Variants in SLC26A7 observed in about 807,000 individuals in gnomAD.
The protein encoded by SLC26A7 is anion exchange transporter.
SLC26A7 carries 59 observed loss-of-function variants against 82.5 expected under a neutral mutation model. The observed-to-expected ratio is 0.72, with a 90% CI of 0.58 to 0.89. The LOEUF (loss-of-function observed/expected upper bound fraction) is 0.89. Among genes scored for constraint, SLC26A7 ranks in the 40% least tolerant of loss-of-function variants. SLC26A7 has a pLI of 0.00. For missense variants in SLC26A7, 820 were observed against 793.0 expected, an observed-to-expected ratio of 1.03 and a Z score of -0.41; for synonymous variants, 271 against 274.3, an observed-to-expected ratio of 0.99 and a Z score of 0.12.
At chr8:91,391,072 G>A (rs1196600238) in intron 16 of SLC26A7, among the ~76,000 whole-genome samples, 2 of 152,144 alleles carry the variant, frequency 1.3e-5, no homozygotes, top group Admixed American at 6.5e-5. Flanking sequence ...GACTGGGATT[G>A]TTTTCTTGTG....
At chr8:91,254,810 T>C (rs537368867) in intron 2 of SLC26A7, among the ~76,000 whole-genome samples, 1 of 152,296 alleles carries the variant, frequency 6.6e-6, no homozygotes, top group Non-Finnish European at 1.5e-5. Flanking sequence ...CAGTTCTCAT[T>C]AGTAACATCA....
intron 2 of SLC26A7, among the ~76,000 whole-genome samples, chr8:91,268,677 A>G (rs1409680383): frequency 2.6e-5 from 4 of 151,798 alleles, no homozygotes; most frequent in Non-Finnish European, 4.4e-5. Context: ...TAATGTTATT[A>G]TTGATAGGTA....
At chr8:91,367,011 GA>G (rs1324430837) in intron 14 of SLC26A7, among the ~76,000 whole-genome samples, 1 of 151,676 alleles carries the variant, frequency 6.6e-6, no homozygotes, top group East Asian at 1.9e-4. Context: ...ACCTCCAAAG[GA>G]TTTTTTTTTT....
chr8:91,356,609 A>T (rs1813876484), intron 11 of SLC26A7, among the ~76,000 whole-genome samples: 1 of 152,066 alleles, frequency 6.6e-6, no homozygotes, highest in Admixed American at 6.5e-5. Context: ...GTTTGAGTTC[A>T]TTGTAGATTC....
rs191450220 is a variant in SLC26A7, at chr8:91,363,315, T to C, written c.1422-157T>C. ...TCTATCCCCGAATATCCCAGAGATA[T>C]ATAGATTCACCAATGTCCTCTTATG... On this transcript the variant is annotated intron_variant, in intron 12 of 18. Coordinates refer to ENST00000276609, the MANE Select transcript of SLC26A7 (RefSeq NM_052832.4). 1.0e-3 allele frequency among the ~76,000 whole-genome samples: 153 copies of C among 152,196 alleles called. 2 individuals carry two copies. Among genetic ancestry groups the C allele is most frequent in the Non-Finnish European group, 4.0e-4 (27 of 67,940 alleles).
At chr8:91,274,584 T>C (rs975370311) in intron 2 of SLC26A7, among the ~76,000 whole-genome samples, 2 of 152,240 alleles carry the variant, frequency 1.3e-5, no homozygotes, top group Non-Finnish European at 2.9e-5. Context: ...CATTAGTCCA[T>C]TCACAAGAGT....
intron 2 of SLC26A7, among the ~76,000 whole-genome samples, chr8:91,273,813 C>T (rs1004532775): frequency 6.6e-6 from 1 of 152,162 alleles, no homozygotes; most frequent in Admixed American, 6.5e-5. Context: ...TCTACTTTCT[C>T]TGAATTTTGG....
intron 4 of SLC26A7, among the ~76,000 whole-genome samples, chr8:91,311,718 C>T (rs956586528): frequency 6.6e-6 from 1 of 152,146 alleles, no homozygotes; most frequent in Non-Finnish European, 1.5e-5. Flanking sequence ...TGCTTTTCTC[C>T]AGAGGATTCT....
At position 91,249,696 on chromosome 8, in the gene SLC26A7, G is replaced by T; in HGVS notation, c.45G>T (p.Lys15Asn). 1.3e-6 allele frequency: 2 copies of T among 1,578,900 alleles called. No individual in the cohort carries two copies. Among genetic ancestry groups the T allele is most frequent in the Non-Finnish European group, 8.6e-7 (1 of 1,165,210 alleles). ...KRKKKSMLWSKMHTPQCEDII... is the reference protein window; with the variant it reads ...KRKKKSMLWSNMHTPQCEDII... The stretch of plus-strand genomic sequence containing the variant: ...AAAAGAAAAGCATGCTTTGGAGCAA[G>T]ATGCATACCCCCCAGTGTGAAGACA... Residue 15 changes from lysine (K) to asparagine (N), a missense_variant, in exon 2 of 19, where the codon AAG becomes AAT. Coordinates refer to ENST00000276609, the MANE Select transcript of SLC26A7 (RefSeq NM_052832.4).
At position 91,362,518 on chromosome 8, in the gene SLC26A7, T is replaced by C. The variant is rs1454098996; in HGVS notation, c.1421+59T>C. The stretch of plus-strand genomic sequence containing the variant: ...GCACAGCAGCAAAATACATGGTTAC[T>C]TGCCATATGGTACTTGCTAGTTACT... On this transcript the variant is annotated intron_variant, in intron 12 of 18. Coordinates refer to ENST00000276609, the MANE Select transcript of SLC26A7 (RefSeq NM_052832.4). 3.9e-6 allele frequency: 5 copies of C among 1,294,234 alleles called. No individual in the cohort carries two copies. In the East Asian group the frequency reaches 1.2e-4, roughly 30 times the overall value. The allele number at this position is 1,294,234 out of a possible 1,614,324, so 80.2% of individuals were successfully genotyped here.
At position 91,295,602 on chromosome 8, in the gene SLC26A7, C is replaced by T; in HGVS notation, c.376C>T (p.Leu126Phe). ...GATTGTCCCTCAGAACATGCAGAATCTCACCACACAGAGTAACACAAGCGT... is the reference window on the plus strand; with the variant it reads ...GATTGTCCCTCAGAACATGCAGAATTTCACCACACAGAGTAACACAAGCGT... ...ERIVPQNMQN[L>F]TTQSNTSVLG... is the part of the protein sequence containing the mutation. Residue 126 changes from leucine (L) to phenylalanine (F), a missense_variant, in exon 4 of 19, where the codon CTC becomes TTC. Leu to Phe is a conservative substitution (Grantham distance 22, BLOSUM62 0). Coordinates refer to ENST00000276609, the MANE Select transcript of SLC26A7 (RefSeq NM_052832.4). The T allele has an allele frequency of 6.2e-7, 1 of 1,614,144 alleles. No homozygotes were observed. The highest frequency in any genetic ancestry group is 8.5e-7 in the Non-Finnish European group (1 of 1,180,002).
chr8:91,379,103 A>G (rs1189939338), intron 15 of SLC26A7, among the ~76,000 whole-genome samples: 4 of 151,850 alleles, frequency 2.6e-5, no homozygotes, highest in African/African-American at 7.3e-5. Flanking sequence ...ATAAAAATGT[A>G]TAGACCTACA....
At chr8:91,299,258 T>C (rs1188667663) in intron 4 of SLC26A7, among the ~76,000 whole-genome samples, 2 of 152,170 alleles carry the variant, frequency 1.3e-5, no homozygotes, top group Non-Finnish European at 2.9e-5. Flanking sequence ...AATTTGGCAG[T>C]TGTACTTTGA....
At chr8:91,227,258 G>T (rs1810250749) in intron 2 of SLC26A7, among the ~76,000 whole-genome samples, 1 of 152,096 alleles carries the variant, frequency 6.6e-6, no homozygotes, top group Admixed American at 6.5e-5. Context: ...GAATTATCTA[G>T]CTTCAATTTT....
At chr8:91,247,318 A>G (rs1406958619), upstream of SLC26A7, among the ~76,000 whole-genome samples, 1 of 152,210 alleles carries the variant, frequency 6.6e-6, no homozygotes, top group Non-Finnish European at 1.5e-5. Flanking sequence ...AGCTACTTTT[A>G]GTCATTGAAA....
At chr8:91,219,504 GACTGTTTT>G (rs1810123629) in intron 2 of SLC26A7, among the ~76,000 whole-genome samples, 1 of 152,080 alleles carries the variant, frequency 6.6e-6, no homozygotes, top group Non-Finnish European at 1.5e-5. Context: ...ATCACTTTGT[GACTGTTTT>G]TAATTTTTTT....
At chr8:91,297,823 TTTTA>T (rs948520886) in intron 4 of SLC26A7, among the ~76,000 whole-genome samples, 3 of 152,280 alleles carry the variant, frequency 2.0e-5, no homozygotes, top group Admixed American at 6.5e-5. Context: ...GTTTGTCTTG[TTTTA>T]TTTATTTATT....
intron 2 of SLC26A7, among the ~76,000 whole-genome samples, chr8:91,243,906 T>C (rs1695552833): frequency 6.6e-6 from 1 of 152,136 alleles, no homozygotes; most frequent in South Asian, 2.1e-4. Flanking sequence ...CTGCATTAAA[T>C]ATAAAGACAT....
chr8:91,228,308 G>A (rs2130671046), intron 2 of SLC26A7, among the ~76,000 whole-genome samples: 1 of 152,338 alleles, frequency 6.6e-6, no homozygotes, highest in Middle Eastern at 3.4e-3. Context: ...AATGAGCTAT[G>A]AAAACTAAAA....
Sources: gnomAD v4.1 joint callset for allele counts (sites outside exome capture counted in the v4.1 genomes callset) on GRCh38, gnomAD v4.1.1 for gene constraint, MANE v1.5 for transcripts, NCBI Gene and HGNC (gene_info 2026-07-23, HGNC 2026-07-21) for gene names.